SORCS2: variants seen among roughly 807,000 people sequenced by gnomAD.
The protein encoded by SORCS2 is VPS10 domain-containing receptor SorCS2.
SORCS2 carries 100 observed loss-of-function variants against 141.6 expected under a neutral mutation model. That is an observed-to-expected ratio of 0.71 (90% confidence interval 0.60 to 0.83). The LOEUF is 0.83. SORCS2 is among the 40% of genes least tolerant of loss of function. The pLI is 0.00. For synonymous variants in SORCS2, 789 were observed against 676.9 expected (o/e 1.17, Z -2.57); for missense variants, 1,646 against 1,560.2 (o/e 1.05, Z -0.93).
chr4:7,675,145 G>C (rs1723033704), intron 8 of SORCS2, among the ~76,000 whole-genome samples: 1 of 152,222 alleles, frequency 6.6e-6, no homozygotes, highest in African/African-American at 2.4e-5. Context: ...AAGAAACTGA[G>C]GTATTCCCAG....
At chr4:7,580,661 A>G (rs927676169) in intron 3 of SORCS2, among the ~76,000 whole-genome samples, 1 of 152,208 alleles carries the variant, frequency 6.6e-6, no homozygotes, top group Non-Finnish European at 1.5e-5. Context: ...TTTGGGAGCT[A>G]CTATGGGCAG....
intron 4 of SORCS2, among the ~76,000 whole-genome samples, chr4:7,646,762 A>C (rs572554670): frequency 2.6e-5 from 4 of 152,262 alleles, no homozygotes; most frequent in Non-Finnish European, 5.9e-5. Context: ...TTCTGGCCTC[A>C]GAACGGTGTG....
chr4:7,730,715 T>A (rs113132043), intron 23 of SORCS2, among the ~76,000 whole-genome samples: 3,118 of 152,216 alleles, frequency 0.02, 97 homozygotes, highest in African/African-American at 0.071. Context: ...ATAGATGAGT[T>A]GTTGCCAGGG....
At chr4:7,405,566 T>A (rs1413633300) in intron 2 of SORCS2, among the ~76,000 whole-genome samples, 2 of 152,084 alleles carry the variant, frequency 1.3e-5, no homozygotes, top group Non-Finnish European at 2.9e-5. Context: ...TTTCACTTCC[T>A]TGGTTAAATT....
chr4:7,285,473 C>T (rs986598646), intron 1 of SORCS2, among the ~76,000 whole-genome samples: 9 of 152,260 alleles, frequency 5.9e-5, no homozygotes, highest in African/African-American at 1.9e-4. Flanking sequence ...TGTTCACTAT[C>T]TCATGCCCCA....
chr4:7,741,324 T>C lies in SORCS2; in HGVS notation c.*1060T>C, dbSNP rs574815434. On this transcript the variant is annotated 3_prime_UTR_variant, in exon 27 of 27. Coordinates refer to ENST00000507866, the MANE Select transcript of SORCS2 (RefSeq NM_020777.3). ...GCCCAGGGAGGAGAGTAACTGAAGG[T>C]CACAGCACGGTCACAGCAGAGGTGG... is the stretch of plus-strand genomic sequence containing the variant. 7.5e-6 allele frequency: 3 copies of C among 398,766 alleles called. No individual in the cohort carries two copies. The South Asian group carries it at 3.8e-4, about 51-fold the overall frequency. The allele number at this position is 398,766 out of a possible 1,614,324, so 24.7% of individuals were successfully genotyped here.
chr4:7,401,137 GGATGGACTGATA>G (rs1223540238), intron 2 of SORCS2, among the ~76,000 whole-genome samples: 1 of 151,726 alleles, frequency 6.6e-6, no homozygotes, highest in African/African-American at 2.4e-5. Flanking sequence ...ATGGATAGAT[GGATGGACTGATA>G]GATGGACAGA....
chr4:7,495,759 C>G (rs1731576929), intron 2 of SORCS2, among the ~76,000 whole-genome samples: 1 of 152,214 alleles, frequency 6.6e-6, no homozygotes, highest in African/African-American at 2.4e-5. Flanking sequence ...TTGAACAATG[C>G]AGGCCCTCTG....
intron 12 of SORCS2, 56 bp downstream of exon 12, chr4:7,697,330 GGAGA>G (rs1325191839): frequency 6.8e-5 from 97 of 1,418,236 alleles, no homozygotes; most frequent in Non-Finnish European, 8.9e-5. Flanking sequence ...GGGACCCTCA[GGAGA>G]CACTTCTGTT....
At position 7,694,768 on chromosome 4, in the gene SORCS2, C is replaced by T. The variant is rs11730775; in HGVS notation, c.1592-2430C>T. Among the ~76,000 whole-genome samples, 285 of 152,342 alleles carry T rather than the reference C, an allele frequency of 1.9e-3. 3 individuals carry two copies. The highest frequency in any genetic ancestry group is 1.9e-3 in the Non-Finnish European group (126 of 68,022). On this transcript the variant is annotated intron_variant, in intron 11 of 26. Transcript: ENST00000507866. Reference sequence around the variant, plus strand: ...GCCAGGCACCACACTGCACAGATTCCACACCTGCCCCTCTGCCCCACCCAT... The same window carrying T: ...GCCAGGCACCACACTGCACAGATTCTACACCTGCCCCTCTGCCCCACCCAT...
intron 1 of SORCS2, 137 bp from the exon 2 acceptor site, chr4:7,396,151 A>T: frequency 1.4e-6 from 1 of 697,930 alleles, no homozygotes; most frequent in South Asian, 1.9e-5. Context: ...CCTCTCAGGG[A>T]TACTGACTAA....
At chr4:7,611,675 A>G (rs1192867023) in intron 3 of SORCS2, among the ~76,000 whole-genome samples, 1 of 152,206 alleles carries the variant, frequency 6.6e-6, no homozygotes, top group Non-Finnish European at 1.5e-5. Flanking sequence ...AGGTTTTTAA[A>G]TGCTTGGGGA....
At chr4:7,300,273 T>C (rs10937801) in intron 1 of SORCS2, among the ~76,000 whole-genome samples, 121,689 of 151,712 alleles carry the variant, frequency 0.8, 50,342 homozygotes, top group Non-Finnish European at 0.91. Context: ...GGGTCTAATC[T>C]CGGGGATGGG....
intron 2 of SORCS2, among the ~76,000 whole-genome samples, chr4:7,421,721 C>T (rs1049758735): frequency 1.3e-5 from 2 of 152,150 alleles, no homozygotes; most frequent in Non-Finnish European, 2.9e-5. Context: ...TCTGGAGCCC[C>T]CGCTGGCTCT....
chr4:7,603,370 C>T (rs182639900), intron 3 of SORCS2, among the ~76,000 whole-genome samples: 18 of 152,244 alleles, frequency 1.2e-4, no homozygotes, highest in African/African-American at 4.3e-4. Context: ...AATGGCAAAT[C>T]CTCTGTTCTG....
At chr4:7,502,063 CAT>C (rs1318568929) in intron 2 of SORCS2, among the ~76,000 whole-genome samples, 1 of 152,194 alleles carries the variant, frequency 6.6e-6, no homozygotes, top group Non-Finnish European at 1.5e-5. Flanking sequence ...GCGCCAGTCA[CAT>C]GTGCCCAGGC....
chr4:7,367,547 G>A (rs975464485), intron 1 of SORCS2, among the ~76,000 whole-genome samples: 1 of 152,194 alleles, frequency 6.6e-6, no homozygotes, highest in Non-Finnish European at 1.5e-5. Flanking sequence ...CGGGATGCAA[G>A]AGCTAGAGCT....
chr4:7,381,324 G>A (rs1023353215), intron 1 of SORCS2, among the ~76,000 whole-genome samples: 4 of 152,274 alleles, frequency 2.6e-5, no homozygotes, highest in Middle Eastern at 3.4e-3. Flanking sequence ...TGAGACACAC[G>A]GAGCACAGAG....
chr4:7,726,803 T>G lies in SORCS2; in HGVS notation c.2769T>G (p.Ser923=), dbSNP rs770813047. ...SLQPLLSLDN[S]VTTRFSDTGD... ...AGCCCCTCCTTTCCCTGGATAATTC[T>G]GTGACAACGCGGTTTTCGGACACGG... Residue 923 remains serine, a synonymous_variant, in exon 21 of 27, where the codon TCT becomes TCG. Coordinates refer to ENST00000507866, the MANE Select transcript of SORCS2 (RefSeq NM_020777.3). 1.9e-6 allele frequency: 3 copies of G among 1,613,780 alleles called. No homozygotes were observed. The highest frequency in any genetic ancestry group is 2.5e-6 in the Non-Finnish European group (3 of 1,179,830).
Sources: gnomAD v4.1 joint callset for allele counts (sites outside exome capture counted in the v4.1 genomes callset) on GRCh38, gnomAD v4.1.1 for gene constraint, MANE v1.5 for transcripts, NCBI Gene and HGNC (gene_info 2026-07-23, HGNC 2026-07-21) for gene names.